RGL4: variants seen among roughly 807,000 people sequenced by gnomAD.
RGL4 encodes the protein ral-GDS-related protein.
Under a neutral mutation model 49.6 loss-of-function variants are expected in RGL4, and 41 were observed. The observed-to-expected ratio is 0.83, with a 90% CI of 0.64 to 1.07. RGL4 has a LOEUF of 1.07. Among genes scored for constraint, RGL4 ranks in the 50% least tolerant of loss-of-function variants. The pLI is 0.00. For missense variants in RGL4, 610 were observed against 591.9 expected (o/e 1.03, Z -0.32); for synonymous variants, 255 against 238.0 (o/e 1.07, Z -0.66).
rs1923181989 is a variant in RGL4, at chr22:23,692,214, G to A, written c.179+5G>A. On this transcript the variant is annotated splice_donor_5th_base_variant and intron_variant, in intron 1 of 10. Coordinates refer to ENST00000290691, the MANE Select transcript of RGL4 (RefSeq NM_153615.2). ...GGACAGCACTGATGGCTTACGGTAG[G>A]GTGGGGCTGTCCTCCACACTGGCAG... The A allele has an allele frequency of 8.1e-6, 13 of 1,611,882 alleles. No individual in the cohort carries two copies. Among genetic ancestry groups the A allele is most frequent in the Admixed American group, 1.7e-5 (1 of 59,960 alleles).
In RGL4 at chr22:23,697,223, C is replaced by T. The variant is rs117585592; in HGVS notation, c.1214C>T (p.Ser405Leu). The change falls in exon 8 of 11, where the codon TCG (serine) becomes TTG (leucine). Residue 405 changes from serine to leucine, a missense_variant. Coordinates refer to ENST00000290691, the MANE Select transcript of RGL4 (RefSeq NM_153615.2). ...CTGACTGAGTTACAGAGGCTGGATT[C>T]GGCCATCCCGGACGACCTGGATGTG... ...DFLTELQRLD[S>L]AIPDDLDGNT... is the part of the protein sequence containing the mutation. 0.017 allele frequency: 27,700 copies of T among 1,613,134 alleles called. 299 individuals carry two copies. The highest frequency in any genetic ancestry group is 0.021 in the Non-Finnish European group (24,747 of 1,179,358).
chr22:23,696,512 G>C (rs755375716), intron 6 of RGL4, 102 bp from the exon 7 acceptor site: 1 of 1,587,862 alleles, frequency 6.3e-7, no homozygotes. Context: ...CACGGTGCCA[G>C]GTGGCTCCCG....
rs760650443 is a variant in RGL4, at chr22:23,698,352, G to C, written c.1382+19G>C. 6.3e-7 allele frequency: 1 copy of C among 1,591,384 alleles called. No individual in the cohort carries two copies. Among genetic ancestry groups the C allele is most frequent in the African/African-American group, 1.3e-5 (1 of 74,146 alleles). ...AAGAGAGGTGAGGGCCTAGCCCATG[G>C]GCTGAGGGTGGGAGAAGGCTCTCCA... On this transcript the variant is annotated intron_variant, in intron 10 of 10. Transcript: ENST00000290691.
intron 3 of RGL4, 143 bp downstream of exon 3, chr22:23,693,134 CA>C: frequency 7.3e-7 from 1 of 1,367,864 alleles, no homozygotes; most frequent in Non-Finnish European, 9.6e-7. Context: ...TCCTCACCCA[CA>C]AGCCTTCCCT....
Position 23,693,923 on chromosome 22 carries a change from G to A in RGL4, c.861G>A (p.Met287Ile), listed in dbSNP as rs766471580. ...CCTCCTGCCTCGGGGACCACAGCAT[G>A]AGGGCCCGGGACAGGGCCAGGGTGG... ...ITTSCLGDHS[M>I]RARDRARVVE... The change falls in exon 4 of 11, where the codon ATG becomes ATA. Residue 287 changes from methionine to isoleucine, a missense_variant. Physicochemically the swap from Met to Ile is conservative, Grantham distance 10. Transcript: ENST00000290691. The A allele has an allele frequency of 1.9e-6, 3 of 1,613,780 alleles. No homozygotes were observed. The Admixed American group carries it at 5.0e-5, about 27-fold the overall frequency.
In RGL4 at chr22:23,698,219, G is replaced by A. The variant is rs769259679; in HGVS notation, c.1268G>A (p.Arg423Gln). The stretch of plus-strand genomic sequence containing the variant: ...CCTGTCCTCTGTCTCTAGGAGGTCC[G>A]AGTTCTGCAGGAAATGCAGCTGCTC... ...GNTNKRSKEV[R>Q]VLQEMQLLQV... is the part of the protein sequence containing the mutation. The change falls in exon 10 of 11, where the codon CGA (arginine) becomes CAA (glutamine). Residue 423 changes from arginine to glutamine, a missense_variant. By Grantham distance (43) the Arg-to-Gln change is conservative. Transcript: ENST00000290691. 34 of 1,606,378 alleles carry A rather than the reference G, an allele frequency of 2.1e-5. No homozygotes were observed. The highest frequency in any genetic ancestry group is 2.5e-5 in the Non-Finnish European group (29 of 1,173,890).
chr22:23,698,684 G>A (rs776123999), intron 10 of RGL4, 160 bp from the exon 11 acceptor site: 332 of 959,244 alleles, frequency 3.5e-4, no homozygotes, highest in Non-Finnish European at 4.7e-4. Flanking sequence ...AGGCTCTCCC[G>A]TGGCCAGCTG....
Position 23,691,975 on chromosome 22 carries a change from ACATC to A in RGL4, c.-55_-52del. The A allele has an allele frequency of 1.3e-6, 2 of 1,574,104 alleles. No homozygotes were observed. The highest frequency in any genetic ancestry group is 1.7e-5 in the Admixed American group (1 of 58,610). On this transcript the variant is annotated 5_prime_UTR_variant, in exon 1 of 11. In the 5' UTR this introduces an upstream ATG that the reference lacks. Transcript: ENST00000290691. ...AGCTCTCCCTGTCCTCCTCCCCCCG[ACATC>A]TGCCCCTTCCCTCCTAACCCCAGGA...
rs528182486 is a variant in RGL4 at position 23,693,163 on chromosome 22, A to C, written c.696+172A>C. 2.6e-6 allele frequency: 3 copies of C among 1,173,796 alleles called. No individual in the cohort carries two copies. In the African/African-American group the frequency reaches 4.6e-5, roughly 18 times the overall value. The allele number at this position is 1,173,796 out of a possible 1,614,324, so 72.7% of individuals were successfully genotyped here. On this transcript the variant is annotated intron_variant, in intron 3 of 10. Coordinates refer to ENST00000290691, the MANE Select transcript of RGL4 (RefSeq NM_153615.2). ...CCTTCCCTGTCTGCATGTGGACGGC[A>C]GAGATGGGACATCACCAGCGCCAGC... is the stretch of plus-strand genomic sequence containing the variant.
chr22:23,693,791 C>T lies in RGL4; in HGVS notation c.729C>T (p.Cys243=). The part of the protein sequence containing the change: ...ELFKKVVLHE[C]LGCIWGQGHL... ...TCAAGAAGGTGGTGCTCCACGAATGCTTGGGCTGCATCTGGGGCCAAGGAC... is the reference window on the plus strand; with the variant it reads ...TCAAGAAGGTGGTGCTCCACGAATGTTTGGGCTGCATCTGGGGCCAAGGAC... The change falls in exon 4 of 11, where the codon TGC becomes TGT. Residue 243 remains cysteine, a synonymous_variant. Transcript: ENST00000290691. 6.2e-7 allele frequency: 1 copy of T among 1,614,104 alleles called. No homozygotes were observed. The highest frequency in any genetic ancestry group is 8.5e-7 in the Non-Finnish European group (1 of 1,180,026).
intron 9 of RGL4, 164 bp from the exon 10 acceptor site, chr22:23,698,048 T>C (rs1923625297): frequency 8.5e-7 from 1 of 1,180,194 alleles, no homozygotes; most frequent in Non-Finnish European, 1.2e-6. Flanking sequence ...GACCAATTCC[T>C]GCAGGAGGGG....
In RGL4 at chr22:23,694,463, C is replaced by G. The variant is rs370993417; in HGVS notation, c.1016+13C>G. 1 of 1,572,834 alleles carries G rather than the reference C, an allele frequency of 6.4e-7. No homozygotes were observed. The highest frequency in any genetic ancestry group is 2.2e-5 in the East Asian group (1 of 44,624). ...CAGGAGTGTCCAGGTGAGGAGGGCT[C>G]TCTCCATGGCAGCATCAGGGTTGAC... On this transcript the variant is annotated intron_variant, in intron 5 of 10. Coordinates refer to ENST00000290691, the MANE Select transcript of RGL4 (RefSeq NM_153615.2).
At position 23,699,040 on chromosome 22, in the gene RGL4, T is replaced by C; in HGVS notation, c.*157T>C. On this transcript the variant is annotated 3_prime_UTR_variant, in exon 11 of 11. Transcript: ENST00000290691. Reference sequence around the variant, plus strand: ...GCCCTGGATCCTCATCACCAACTGCTCCTGCTGGCCAGGATCAGGCCATGG... The same window carrying C: ...GCCCTGGATCCTCATCACCAACTGCCCCTGCTGGCCAGGATCAGGCCATGG... 6.5e-7 allele frequency: 1 copy of C among 1,547,064 alleles called. No individual in the cohort carries two copies. Among genetic ancestry groups the C allele is most frequent in the Non-Finnish European group, 8.7e-7 (1 of 1,146,636 alleles).
Position 23,691,966 on chromosome 22 carries a change from C to T in RGL4, c.-65C>T. 1.9e-6 allele frequency: 3 copies of T among 1,556,044 alleles called. No homozygotes were observed. Among genetic ancestry groups the T allele is most frequent in the Non-Finnish European group, 1.8e-6 (2 of 1,140,752 alleles). On this transcript the variant is annotated 5_prime_UTR_variant, in exon 1 of 11. Transcript: ENST00000290691. ...TGGCTTCCCAGCTCTCCCTGTCCTC[C>T]TCCCCCCGACATCTGCCCCTTCCCT...
intron 5 of RGL4, 84 bp from the exon 6 acceptor site, chr22:23,694,866 C>T (rs778596291): frequency 1.7e-5 from 18 of 1,088,654 alleles, no homozygotes; most frequent in Non-Finnish European, 2.5e-5. Flanking sequence ...CTGGGATTCA[C>T]TGGGTTTTCA....
chr22:23,695,636 C>T (rs189511256), intron 6 of RGL4: 105 of 334,912 alleles, frequency 3.1e-4, no homozygotes, highest in African/African-American at 1.7e-3. Context: ...CTGGGACTCC[C>T]CACTCTGCCC....
At chr22:23,695,487 C>A (rs1302642399) in intron 6 of RGL4, 3 of 567,408 alleles carry the variant, frequency 5.3e-6, no homozygotes, top group Non-Finnish European at 9.1e-6. Context: ...GTCTGCAGCA[C>A]ACCTCCATGG....
At chr22:23,693,464 TG>T (rs1373858797) in intron 3 of RGL4, among the ~76,000 whole-genome samples, 2 of 152,108 alleles carry the variant, frequency 1.3e-5, no homozygotes, top group Non-Finnish European at 2.9e-5. Context: ...GGCCTCAGGA[TG>T]GGCAGGCCTG....
At chr22:23,698,388 T>G in intron 10 of RGL4, 55 bp downstream of exon 10, 1 of 1,562,744 alleles carries the variant, frequency 6.4e-7, no homozygotes, top group East Asian at 2.3e-5. Flanking sequence ...TTTTTTTTTT[T>G]TAACATGGTC....
Sources: allele counts gnomAD v4.1 joint callset (sites outside exome capture counted in the v4.1 genomes callset), GRCh38; gene constraint gnomAD v4.1.1; transcripts MANE v1.5; gene names NCBI Gene and HGNC (gene_info 2026-07-23, HGNC 2026-07-21).